ITSN1: variants seen among roughly 807,000 people sequenced by gnomAD.
ITSN1 encodes the protein intersectin-1.
ITSN1 carries 58 observed loss-of-function variants against 239.8 expected under a neutral mutation model. The ratio of observed to expected loss-of-function variants is 0.24; its 90% CI spans 0.20 to 0.30. The LOEUF (loss-of-function observed/expected upper bound fraction) is 0.30. Among genes scored for constraint, ITSN1 ranks in the 10% least tolerant of loss-of-function variants. The pLI, the probability that ITSN1 is intolerant of heterozygous loss-of-function variation, is 1.00. For synonymous variants in ITSN1, 780 were observed against 770.8 expected (o/e 1.01, Z -0.20); for missense variants, 1,558 against 2,103.3 (o/e 0.74, Z 5.07).
intron 29 of ITSN1, among the ~76,000 whole-genome samples, chr21:33,839,541 G>C (rs79328878): frequency 1.3e-5 from 2 of 152,298 alleles, no homozygotes; most frequent in South Asian, 4.1e-4. Context: ...GGCCACCCCC[G>C]TGTGGAGCAG....
Position 33,797,801 on chromosome 21 carries a change from G to C in ITSN1, c.2182+193G>C, listed in dbSNP as rs1000832972. On this transcript the variant is annotated intron_variant, in intron 18 of 39. Transcript: ENST00000381318. The surrounding 1 kb of genome is among the most constrained non-coding windows in gnomAD (Gnocchi z 4.9). ...ATCTGTGTAATTCTCCCACCACCAT[G>C]CCAGCCTCTGGCCCACGTTACACTG... is the stretch of plus-strand genomic sequence containing the variant. Among the ~76,000 whole-genome samples, 1 of 152,160 alleles carries C rather than the reference G, an allele frequency of 6.6e-6. No homozygotes were observed. The highest frequency in any genetic ancestry group is 2.4e-5 in the African/African-American group (1 of 41,506).
chr21:33,661,042 C>T (rs956577792), intron 1 of ITSN1, among the ~76,000 whole-genome samples: 1 of 152,214 alleles, frequency 6.6e-6, no homozygotes, highest in Non-Finnish European at 1.5e-5. Flanking sequence ...CAGTCTAGCT[C>T]ATAATGGCAG....
rs58510251 is a variant in ITSN1 at position 33,657,986 on chromosome 21, T to TA, written c.-33+15281dup. ...GAGCGACAGAGCCAGATTCTGTTTT[T>TA]AAAAAAAATCATATAACCTTTTTGA... is the stretch of plus-strand genomic sequence containing the variant. On this transcript the variant is annotated intron_variant, in intron 1 of 39. Coordinates refer to ENST00000381318, the MANE Select transcript of ITSN1 (RefSeq NM_003024.3). 1.1e-3 allele frequency among the ~76,000 whole-genome samples: 168 copies of TA among 152,120 alleles called. No individual in the cohort carries two copies. The East Asian group carries it at 0.029, about 26-fold the overall frequency.
chr21:33,802,906 T>C (rs970276147), intron 20 of ITSN1, among the ~76,000 whole-genome samples: 2 of 152,210 alleles, frequency 1.3e-5, no homozygotes, highest in Non-Finnish European at 2.9e-5. Flanking sequence ...ATGTCTATGT[T>C]TCAAAATATA....
intron 33 of ITSN1, among the ~76,000 whole-genome samples, chr21:33,867,655 AAG>A (rs1448061010): frequency 1.5e-5 from 2 of 135,940 alleles, no homozygotes; most frequent in Admixed American, 7.4e-5. Flanking sequence ...AAAAAAAAAA[AAG>A]AGAGCTAATA....
Position 33,858,767 on chromosome 21 carries a change from A to C in ITSN1, c.3865A>C (p.Ile1289Leu). 6.2e-7 allele frequency: 1 copy of C among 1,611,828 alleles called. No individual in the cohort carries two copies. Among genetic ancestry groups the C allele is most frequent in the Non-Finnish European group, 8.5e-7 (1 of 1,178,016 alleles). Residue 1289 changes from isoleucine to leucine, a missense_variant, in exon 31 of 40, where the codon ATT becomes CTT. This residue lies in a region of ITSN1 where 576 missense variants were observed against 893.3 expected (regional missense o/e 0.64). Transcript: ENST00000381318. ...AMIFVNWKEL[I>L]MCNIKLLKAL... ...GATTTTTGTGAACTGGAAGGAGCTG[A>C]TTATGTGTAATATCAAACTACTAAA...
At chr21:33,702,301 G>C (rs1355800305) in intron 1 of ITSN1, among the ~76,000 whole-genome samples, 2 of 151,882 alleles carry the variant, frequency 1.3e-5, no homozygotes, top group Non-Finnish European at 2.9e-5. Flanking sequence ...ATTTTTAGTA[G>C]AGATGGGGTT....
chr21:33,813,843 T>A, intron 21 of ITSN1, 70 bp from the exon 22 acceptor site: 4 of 1,353,532 alleles, frequency 3.0e-6, no homozygotes, highest in Non-Finnish European at 4.0e-6. Flanking sequence ...TTTTTGGTAC[T>A]TTACTGTGGG....
chr21:33,718,209 A>G (rs2065279333), intron 1 of ITSN1, among the ~76,000 whole-genome samples: 1 of 152,216 alleles, frequency 6.6e-6, no homozygotes, highest in Admixed American at 6.5e-5. Flanking sequence ...TAAATTACCT[A>G]GTATAATGTG....
At chr21:33,727,292 C>T (rs185070900) in intron 4 of ITSN1, among the ~76,000 whole-genome samples, 1 of 152,004 alleles carries the variant, frequency 6.6e-6, no homozygotes, top group Non-Finnish European at 1.5e-5. Context: ...TGGGAATAGA[C>T]AAGAGCCAGA....
chr21:33,763,757 A>G (rs1422379283), intron 9 of ITSN1, among the ~76,000 whole-genome samples: 3 of 152,136 alleles, frequency 2.0e-5, no homozygotes, highest in African/African-American at 7.2e-5. Flanking sequence ...CCTGGGTCCT[A>G]CAGGCTTCCT....
At chr21:33,836,013 C>T (rs2074580160) in intron 28 of ITSN1, among the ~76,000 whole-genome samples, 1 of 152,158 alleles carries the variant, frequency 6.6e-6, no homozygotes, top group African/African-American at 2.4e-5. Flanking sequence ...ATGATGATTA[C>T]CTTCCACTTT....
intron 4 of ITSN1, among the ~76,000 whole-genome samples, chr21:33,724,740 G>T (rs2065715257): frequency 6.6e-6 from 1 of 152,210 alleles, no homozygotes; most frequent in Non-Finnish European, 1.5e-5. Flanking sequence ...AGTGGAGGGA[G>T]ACAATAACAA....
intron 5 of ITSN1, among the ~76,000 whole-genome samples, chr21:33,738,516 G>A (rs770050383): frequency 4.0e-5 from 6 of 151,558 alleles, no homozygotes; most frequent in Non-Finnish European, 7.4e-5. Context: ...ATTCTCCTTC[G>A]TCAGCCTCCC....
intron 1 of ITSN1, among the ~76,000 whole-genome samples, chr21:33,711,858 A>C (rs2092428248): frequency 6.6e-6 from 1 of 152,190 alleles, no homozygotes; most frequent in Non-Finnish European, 1.5e-5. Flanking sequence ...TGTTATATTT[A>C]TGTTGAAACC....
At chr21:33,818,838 T>A (rs1198956129) in intron 23 of ITSN1, among the ~76,000 whole-genome samples, 1 of 152,232 alleles carries the variant, frequency 6.6e-6, no homozygotes, top group Non-Finnish European at 1.5e-5. Context: ...GGGGAAATGA[T>A]CAGAAGGACT....
chr21:33,784,775 A>G (rs1163660632), intron 16 of ITSN1, among the ~76,000 whole-genome samples: 1 of 152,196 alleles, frequency 6.6e-6, no homozygotes, highest in African/African-American at 2.4e-5. Context: ...CACACTGGAA[A>G]ATGAAATACT....
At chr21:33,761,022 T>C (rs1478406000) in intron 8 of ITSN1, among the ~76,000 whole-genome samples, 1 of 151,904 alleles carries the variant, frequency 6.6e-6, no homozygotes. Flanking sequence ...AGAGTAGAAA[T>C]TCCAGGAATT....
intron 33 of ITSN1, among the ~76,000 whole-genome samples, chr21:33,875,101 TGG>T (rs751014066): frequency 2.0e-4 from 30 of 152,304 alleles, no homozygotes; most frequent in Non-Finnish European, 4.0e-4. Flanking sequence ...ATTCAGGGTG[TGG>T]GGCTGGACTG....
Sources: gnomAD v4.1 joint callset for allele counts (sites outside exome capture counted in the v4.1 genomes callset) on GRCh38, gnomAD v4.1.1 for gene constraint, gnomAD v4.1.1 regional missense constraint, Gnocchi (gnomAD v3.1) non-coding constraint, MANE v1.5 for transcripts, NCBI Gene and HGNC (gene_info 2026-07-23, HGNC 2026-07-21) for gene names.